The following KCNK9 variants were observed in gnomAD, a reference collection of about 807,000 sequenced individuals.
KCNK9 encodes the protein potassium channel subfamily K member 9.
A neutral mutation model predicts 10.8 loss-of-function variants in KCNK9; 1 was observed. The ratio of observed to expected loss-of-function variants is 0.09; its 90% confidence interval spans 0.03 to 0.44. KCNK9 has a LOEUF of 0.44. Among genes scored for constraint, KCNK9 ranks in the 20% least tolerant of loss-of-function variants. The pLI is 0.97. For missense variants in KCNK9, 303 were observed against 515.0 expected (o/e 0.59, Z 3.98); for synonymous variants, 231 against 222.7 (o/e 1.04, Z -0.33).
At chr8:139,619,178 G>A in intron 1 of KCNK9, 79 bp from the exon 2 acceptor site, 1 of 1,489,378 alleles carries the variant, frequency 6.7e-7, no homozygotes, top group Non-Finnish European at 9.2e-7. Context: ...GGTCGACTTG[G>A]TGCAGTGCAG....
intron 1 of KCNK9, among the ~76,000 whole-genome samples, chr8:139,680,460 G>C (rs571152381): frequency 1.3e-5 from 2 of 152,286 alleles, no homozygotes; most frequent in East Asian, 3.9e-4. Context: ...ACAGCAGGAG[G>C]GCCACCTCAG....
intron 2 of KCNK9, among the ~76,000 whole-genome samples, chr8:139,607,077 T>A (rs1251093077): frequency 6.6e-6 from 1 of 152,254 alleles, no homozygotes; most frequent in Non-Finnish European, 1.5e-5. Flanking sequence ...TCTGAGGAGC[T>A]ATCAAATTAT....
chr8:139,688,537 C>T (rs1407278413), intron 1 of KCNK9, among the ~76,000 whole-genome samples: 5 of 152,164 alleles, frequency 3.3e-5, no homozygotes, highest in African/African-American at 4.8e-5. Flanking sequence ...CGATCACTTC[C>T]CTCCCTTGAC....
intron 1 of KCNK9, among the ~76,000 whole-genome samples, chr8:139,668,100 A>G (rs138664768): frequency 2.4e-4 from 37 of 152,342 alleles, no homozygotes; most frequent in Middle Eastern, 6.8e-3. Flanking sequence ...TCTGTGTGTC[A>G]GCATTTTTTA....
intron 1 of KCNK9, among the ~76,000 whole-genome samples, chr8:139,667,806 G>A (rs1412512418): frequency 1.3e-5 from 2 of 152,026 alleles, no homozygotes; most frequent in Non-Finnish European, 2.9e-5. Flanking sequence ...TCCATTGCAC[G>A]GGAGGCAGAG....
chr8:139,664,376 C>T (rs1401541168), intron 1 of KCNK9, among the ~76,000 whole-genome samples: 2 of 152,052 alleles, frequency 1.3e-5, no homozygotes, highest in Non-Finnish European at 2.9e-5. Context: ...CCCACCCAGC[C>T]TTCCCAGCCA....
At chr8:139,695,679 C>T (rs1319855530) in intron 1 of KCNK9, among the ~76,000 whole-genome samples, 1 of 152,146 alleles carries the variant, frequency 6.6e-6, no homozygotes, top group Non-Finnish European at 1.5e-5. Context: ...AAGGACCCTC[C>T]TCCAATTCTC....
intron 1 of KCNK9, among the ~76,000 whole-genome samples, chr8:139,632,921 G>A (rs1815217749): frequency 6.6e-6 from 1 of 152,198 alleles, no homozygotes; most frequent in African/African-American, 2.4e-5. Flanking sequence ...AGTTGAACCT[G>A]GAGAGCAAAG....
At chr8:139,679,259 G>C (rs1244584738) in intron 1 of KCNK9, among the ~76,000 whole-genome samples, 1 of 152,206 alleles carries the variant, frequency 6.6e-6, no homozygotes, top group Non-Finnish European at 1.5e-5. Flanking sequence ...TGACGCACAG[G>C]TGCAGGCCCA....
At chr8:139,643,272 G>T (rs1815564491) in intron 1 of KCNK9, among the ~76,000 whole-genome samples, 1 of 152,024 alleles carries the variant, frequency 6.6e-6, no homozygotes, top group Non-Finnish European at 1.5e-5. Flanking sequence ...CCCACCATTG[G>T]TCTCCACCCT....
downstream of KCNK9, among the ~76,000 whole-genome samples, chr8:139,613,392 C>A (rs961629162): frequency 6.6e-6 from 1 of 152,140 alleles, no homozygotes; most frequent in African/African-American, 2.4e-5. Flanking sequence ...CAAGAAAGAA[C>A]CACATAGAAT....
At chr8:139,680,599 C>A (rs1051247025) in intron 1 of KCNK9, among the ~76,000 whole-genome samples, 1 of 152,158 alleles carries the variant, frequency 6.6e-6, no homozygotes, top group African/African-American at 2.4e-5. Flanking sequence ...TGCAAACCCA[C>A]CACCCACATG....
Position 139,702,988 on chromosome 8 carries a change from T to C in KCNK9, c.5A>G (p.Lys2Arg). ...GGACAGAGTCCGCACGTTCTGCCTC[T>C]TCATGGCCGCCAGCAAGGAGCCGGC... MKRQNVRTLSLI... is the reference protein window; with the variant it reads MRRQNVRTLSLI... Residue 2 changes from lysine to arginine, a missense_variant, in exon 1 of 2, where the codon AAG becomes AGG. Lys to Arg is a conservative substitution (Grantham distance 26). Transcript: ENST00000520439. This position sits in a 1 kb window ranked among gnomAD's most constrained non-coding sequence, Gnocchi z 7.5. 1.3e-6 allele frequency: 2 copies of C among 1,572,900 alleles called. No homozygotes were observed. The highest frequency in any genetic ancestry group is 2.7e-5 in the African/African-American group (2 of 73,542).
intron 1 of KCNK9, among the ~76,000 whole-genome samples, chr8:139,681,521 C>T (rs1224226228): frequency 6.6e-6 from 1 of 152,204 alleles, no homozygotes; most frequent in Non-Finnish European, 1.5e-5. Flanking sequence ...CACACATCTC[C>T]TTACTTTGAA....
At chr8:139,645,169 G>A (rs1292332564) in intron 1 of KCNK9, among the ~76,000 whole-genome samples, 1 of 152,222 alleles carries the variant, frequency 6.6e-6, no homozygotes, top group Non-Finnish European at 1.5e-5. Flanking sequence ...AGTCCAGAGT[G>A]GAGCACTGGG....
At chr8:139,610,956 G>T (rs900598643), downstream of KCNK9, among the ~76,000 whole-genome samples, 24 of 152,252 alleles carry the variant, frequency 1.6e-4, no homozygotes, top group Non-Finnish European at 3.1e-4. Flanking sequence ...CTTGGCCCAT[G>T]CCTTTGCCTG....
chr8:139,626,182 G>T (rs770601483), intron 1 of KCNK9, among the ~76,000 whole-genome samples: 2 of 152,166 alleles, frequency 1.3e-5, no homozygotes, highest in Non-Finnish European at 2.9e-5. Context: ...GCACTCCAGC[G>T]CTCAAGAGCT....
chr8:139,620,908 T>TG (rs1215517998), intron 1 of KCNK9, among the ~76,000 whole-genome samples: 1 of 150,838 alleles, frequency 6.6e-6, no homozygotes, highest in Non-Finnish European at 1.5e-5. Flanking sequence ...AAATAAAGCC[T>TG]GGGGGGAGCT....
intron 2 of KCNK9, among the ~76,000 whole-genome samples, chr8:139,603,688 G>C (rs144324594): frequency 9.0e-4 from 137 of 152,324 alleles, no homozygotes; most frequent in African/African-American, 3.2e-3. Flanking sequence ...AGCAGGTCTT[G>C]TCCAACCTGC....
Sources: allele counts gnomAD v4.1 joint callset (sites outside exome capture counted in the v4.1 genomes callset), GRCh38; gene constraint gnomAD v4.1.1; non-coding constraint Gnocchi (gnomAD v3.1); transcripts MANE v1.5; gene names NCBI Gene and HGNC (gene_info 2026-07-23, HGNC 2026-07-21).